The following CHIC2 variants were observed in gnomAD, a reference collection of about 807,000 sequenced individuals.
The protein encoded by CHIC2 is cysteine-rich hydrophobic domain-containing protein 2.
CHIC2 carries 14 observed loss-of-function variants against 25.9 expected under a neutral mutation model. That is an observed-to-expected ratio of 0.54 (90% CI 0.36 to 0.85). The LOEUF (loss-of-function observed/expected upper bound fraction) is 0.85, where lower values mean the gene tolerates loss of function less well. CHIC2 is among the 40% of genes least tolerant of loss of function. The pLI, the probability that CHIC2 is intolerant of heterozygous loss-of-function variation, is 0.01. For synonymous variants in CHIC2, 70 were observed against 72.0 expected (o/e 0.97, Z 0.14); for missense variants, 146 against 202.0 (o/e 0.72, Z 1.68).
chr4:54,070,195 C>T, the CHIC2 span, among the ~76,000 whole-genome samples: 158 of 152,194 alleles, frequency 1.0e-3, no homozygotes, highest in African/African-American at 3.7e-3. Flanking sequence ...GAGCACAGCT[C>T]AAATGAGGTA....
At chr4:54,025,759 A>G (rs1330299767) in intron 3 of CHIC2, among the ~76,000 whole-genome samples, 1 of 151,634 alleles carries the variant, frequency 6.6e-6, no homozygotes, top group Non-Finnish European at 1.5e-5. Flanking sequence ...CTACTTGGGA[A>G]GCTGAGGTGG....
At chr4:54,080,156 G>A in the CHIC2 span, among the ~76,000 whole-genome samples, 6 of 141,220 alleles carry the variant, frequency 4.2e-5, no homozygotes, top group Admixed American at 3.5e-4. Context: ...ATGTGTATAT[G>A]TATGTGTATA....
intron 3 of CHIC2, among the ~76,000 whole-genome samples, chr4:54,026,912 T>C (rs1398806292): frequency 1.3e-5 from 2 of 152,206 alleles, no homozygotes; most frequent in Non-Finnish European, 2.9e-5. Flanking sequence ...CATTCATGAT[T>C]TTATAATGAA....
rs142396872 is a variant in CHIC2 at position 54,058,423 on chromosome 4, G to A, written c.119+5759C>T. ...TATCAAAGACCACACTTTTTCCACA[G>A]TACCATCTATTACTTTCCAAATATG... On this transcript the variant is annotated intron_variant, in intron 1 of 5. Coordinates refer to ENST00000263921, the MANE Select transcript of CHIC2 (RefSeq NM_012110.4). 3.0e-3 allele frequency among the ~76,000 whole-genome samples: 451 copies of A among 152,012 alleles called. 3 individuals are homozygous for A. The highest frequency in any genetic ancestry group is 0.01 in the African/African-American group (426 of 41,478).
At chr4:54,058,754 G>T (rs1001725308) in intron 1 of CHIC2, among the ~76,000 whole-genome samples, 3 of 152,112 alleles carry the variant, frequency 2.0e-5, no homozygotes, top group South Asian at 2.1e-4. Flanking sequence ...TTCTTTCTGA[G>T]TATACAGCTG....
At chr4:54,015,823 C>G (rs747730365) in intron 3 of CHIC2, among the ~76,000 whole-genome samples, 1 of 152,200 alleles carries the variant, frequency 6.6e-6, no homozygotes, top group Non-Finnish European at 1.5e-5. Context: ...ATTTGCATCA[C>G]AGCGAACCTG....
the CHIC2 span, among the ~76,000 whole-genome samples, chr4:54,090,423 A>T: frequency 6.6e-6 from 1 of 152,106 alleles, no homozygotes; most frequent in Non-Finnish European, 1.5e-5. Context: ...AGCCTCAAGT[A>T]ATCTGCCTGC....
chr4:54,016,154 T>C (rs1362254193), intron 3 of CHIC2, among the ~76,000 whole-genome samples: 1 of 152,106 alleles, frequency 6.6e-6, no homozygotes, highest in Non-Finnish European at 1.5e-5. Context: ...GCAGAACAAG[T>C]TTTCCAAGCC....
intron 3 of CHIC2, among the ~76,000 whole-genome samples, chr4:54,021,027 TCTTTA>T (rs1715884352): frequency 6.6e-6 from 1 of 152,070 alleles, no homozygotes; most frequent in Non-Finnish European, 1.5e-5. Flanking sequence ...TCTACCTTTC[TCTTTA>T]AACTTACCTT....
the CHIC2 span, among the ~76,000 whole-genome samples, chr4:54,080,634 C>G: frequency 6.6e-6 from 1 of 151,396 alleles, no homozygotes; most frequent in Admixed American, 6.6e-5. Context: ...GGCGTGGTGG[C>G]ACACACCTGT....
intron 1 of CHIC2, among the ~76,000 whole-genome samples, chr4:54,055,072 A>G (rs1717132129): frequency 6.6e-6 from 1 of 152,124 alleles, no homozygotes; most frequent in Non-Finnish European, 1.5e-5. Context: ...TAGCAGATGT[A>G]CCAAAATGGT....
chr4:54,070,362 T>C, the CHIC2 span, among the ~76,000 whole-genome samples: 1 of 152,160 alleles, frequency 6.6e-6, no homozygotes, highest in African/African-American at 2.4e-5. Context: ...GGCAGTGACA[T>C]TATCAGATGT....
chr4:54,070,100 G>C, the CHIC2 span, among the ~76,000 whole-genome samples: 3 of 152,208 alleles, frequency 2.0e-5, no homozygotes, highest in Non-Finnish European at 4.4e-5. Flanking sequence ...GCTAAGCAAA[G>C]GTATGGAGGT....
chr4:54,043,592 C>A (rs982322618), intron 3 of CHIC2, among the ~76,000 whole-genome samples: 6 of 152,064 alleles, frequency 3.9e-5, no homozygotes, highest in African/African-American at 1.4e-4. Flanking sequence ...ACTTTACAGA[C>A]AAGCAAATGC....
rs114106919 is a variant in CHIC2, at chr4:54,035,971, C to T, written c.330+12984G>A. On this transcript the variant is annotated intron_variant, in intron 3 of 5. Transcript: ENST00000263921. Reference sequence around the variant, plus strand: ...CTTTGACCAATGAGTTATTTAGAAGCATTTTATTTAGCTTTCAAATATTTG... The same window carrying T: ...CTTTGACCAATGAGTTATTTAGAAGTATTTTATTTAGCTTTCAAATATTTG... 9.2e-3 allele frequency among the ~76,000 whole-genome samples: 1,400 copies of T among 152,204 alleles called. 18 individuals carry two copies. Among genetic ancestry groups the T allele is most frequent in the African/African-American group, 0.031 (1,308 of 41,524 alleles).
At chr4:54,050,480 G>A (rs1275848731) in intron 1 of CHIC2, among the ~76,000 whole-genome samples, 1 of 151,952 alleles carries the variant, frequency 6.6e-6, no homozygotes, top group Non-Finnish European at 1.5e-5. Flanking sequence ...TCAATCTGTT[G>A]ATCTGCAGCT....
At chr4:54,010,643 T>C (rs1364970855) in intron 5 of CHIC2, among the ~76,000 whole-genome samples, 3 of 152,210 alleles carry the variant, frequency 2.0e-5, no homozygotes, top group East Asian at 1.9e-4. Flanking sequence ...TGTATCACAA[T>C]TGAATGTGGA....
chr4:54,071,548 G>A, the CHIC2 span, among the ~76,000 whole-genome samples: 2 of 152,234 alleles, frequency 1.3e-5, no homozygotes, highest in African/African-American at 4.8e-5. Context: ...AACTCAAATA[G>A]GATCTTTCCT....
chr4:54,036,156 T>A (rs896606142), intron 3 of CHIC2, among the ~76,000 whole-genome samples: 1 of 152,230 alleles, frequency 6.6e-6, no homozygotes, highest in African/African-American at 2.4e-5. Flanking sequence ...TTGAAAAGAA[T>A]GTGTATTTGC....
Sources: allele counts gnomAD v4.1 joint callset (sites outside exome capture counted in the v4.1 genomes callset), GRCh38; gene constraint gnomAD v4.1.1; transcripts MANE v1.5; gene names NCBI Gene and HGNC (gene_info 2026-07-23, HGNC 2026-07-21).